The following TBXAS1 variants were observed in gnomAD, a reference collection of about 807,000 sequenced individuals.
The protein encoded by TBXAS1 is thromboxane-A synthase.
TBXAS1 carries 48 observed loss-of-function variants against 60.7 expected under a neutral mutation model. The observed-to-expected ratio is 0.79, with a 90% CI of 0.63 to 1.01. The LOEUF is 1.01. TBXAS1 is among the 50% of genes least tolerant of loss of function. The pLI is 0.00. For missense variants in TBXAS1, 685 were observed against 686.3 expected, an observed-to-expected ratio of 1.00 and a Z score of 0.02; for synonymous variants, 287 against 269.7, an observed-to-expected ratio of 1.06 and a Z score of -0.63.
At chr7:140,016,053 G>C (rs1294953154) in intron 11 of TBXAS1, among the ~76,000 whole-genome samples, 193 bp downstream of exon 11, 1 of 152,122 alleles carries the variant, frequency 6.6e-6, no homozygotes, top group Non-Finnish European at 1.5e-5. Context: ...TTTTAGCCAC[G>C]CGTGGTGGCT....
chr7:139,809,114 A>G (rs1569493021), intron 4 of TBXAS1, among the ~76,000 whole-genome samples: 1 of 152,016 alleles, frequency 6.6e-6, no homozygotes, highest in Non-Finnish European at 1.5e-5. Context: ...AAAGTGTTGT[A>G]TTAGAGTTCT....
chr7:139,857,735 T>TTC (rs1019852068), intron 1 of TBXAS1, among the ~76,000 whole-genome samples: 2 of 151,608 alleles, frequency 1.3e-5, no homozygotes, highest in African/African-American at 4.9e-5. Context: ...CTTAATTTTT[T>TTC]TTTTTTTTTT....
At chr7:139,985,897 G>A (rs1812421029) in intron 9 of TBXAS1, among the ~76,000 whole-genome samples, 1 of 152,182 alleles carries the variant, frequency 6.6e-6, no homozygotes, top group South Asian at 2.1e-4. Flanking sequence ...GTGGACCATC[G>A]GGGGCCTAGA....
intron 9 of TBXAS1, among the ~76,000 whole-genome samples, chr7:139,979,343 A>G (rs922643203): frequency 2.6e-5 from 4 of 152,232 alleles, no homozygotes; most frequent in Non-Finnish European, 5.9e-5. Context: ...AAGAAATACT[A>G]TTAAGTCAAG....
intron 3 of TBXAS1, among the ~76,000 whole-genome samples, chr7:139,785,241 C>T (rs917243771): frequency 6.6e-6 from 1 of 152,114 alleles, no homozygotes; most frequent in African/African-American, 2.4e-5. Context: ...AAGCTCTCTT[C>T]TGTTCCCTTT....
chr7:139,785,979 C>T (rs547472240), intron 3 of TBXAS1, among the ~76,000 whole-genome samples: 1 of 151,224 alleles, frequency 6.6e-6, no homozygotes, highest in Admixed American at 6.6e-5. Context: ...GGTCATTTAT[C>T]CTTTATTCTC....
At position 140,007,209 on chromosome 7, in the gene TBXAS1, G is replaced by A. The variant is rs375930475; in HGVS notation, c.1226+27G>A. 97 of 1,602,968 alleles carry A rather than the reference G, an allele frequency of 6.1e-5. 1 individual carries two copies. The Middle Eastern group carries it at 9.9e-4, about 16-fold the overall frequency. On this transcript the variant is annotated intron_variant, in intron 10 of 12. Coordinates refer to ENST00000448866, the MANE Select transcript of TBXAS1 (RefSeq NM_001061.7). ...TGTGTGGTAGCCCCCTCCCCTGCCC[G>A]AGTCCCCACCTCCTACCCCTACCCC...
chr7:139,963,683 T>A (rs1052192717), intron 9 of TBXAS1, among the ~76,000 whole-genome samples: 3 of 152,134 alleles, frequency 2.0e-5, no homozygotes, highest in Non-Finnish European at 4.4e-5. Context: ...AGGCAATCTA[T>A]TAGGATACAT....
intron 4 of TBXAS1, among the ~76,000 whole-genome samples, chr7:139,926,405 C>T (rs1278964029): frequency 3.3e-5 from 5 of 152,062 alleles, no homozygotes; most frequent in African/African-American, 1.2e-4. Flanking sequence ...TTTATTTCTT[C>T]TAGATTTTCC....
At chr7:139,906,089 T>C in intron 3 of TBXAS1, 1 of 405,058 alleles carries the variant, frequency 2.5e-6, no homozygotes. Flanking sequence ...TTTTTCTCAC[T>C]CTGTCTCCCA....
chr7:139,919,500 C>T (rs1026758359), intron 4 of TBXAS1, among the ~76,000 whole-genome samples: 12 of 152,192 alleles, frequency 7.9e-5, no homozygotes, highest in African/African-American at 2.9e-4. Flanking sequence ...CAAGTCATCC[C>T]AGAGATCATC....
intron 10 of TBXAS1, among the ~76,000 whole-genome samples, chr7:140,011,137 C>T (rs1004309700): frequency 2.6e-5 from 4 of 151,932 alleles, no homozygotes; most frequent in Admixed American, 2.0e-4. Context: ...ATTAGCCGGG[C>T]ATGGTGGCAG....
intron 10 of TBXAS1, among the ~76,000 whole-genome samples, chr7:140,010,882 C>G (rs1426220241): frequency 6.6e-6 from 1 of 151,940 alleles, no homozygotes; most frequent in African/African-American, 2.4e-5. Flanking sequence ...AAGTCCAATC[C>G]TACAGCTTGA....
At chr7:139,966,331 A>ACT (rs1177911698) in intron 9 of TBXAS1, among the ~76,000 whole-genome samples, 1 of 152,044 alleles carries the variant, frequency 6.6e-6, no homozygotes, top group Non-Finnish European at 1.5e-5. Flanking sequence ...ATCAGTTCAG[A>ACT]CTCTTCTGTG....
At position 139,951,886 on chromosome 7, in the gene TBXAS1, G is replaced by A. The variant is rs374077123; in HGVS notation, c.451-1482G>A. Among the ~76,000 whole-genome samples the A allele has an allele frequency of 5.8e-3, 96 of 16,666 alleles. 18 individuals carry two copies. Among genetic ancestry groups the A allele is most frequent in the Middle Eastern group, 0.033 (1 of 30 alleles). 10.9% of individuals were successfully genotyped at this position (16,666 alleles called of 152,430 possible). On this transcript the variant is annotated intron_variant, in intron 5 of 12. Transcript: ENST00000448866. ...AAGAAGGAAGGAAGGAAGGAAAGAA[G>A]GAAGGAAGGAAGGAAAGAAAGAGAA...
At position 140,004,893 on chromosome 7, in the gene TBXAS1, C is replaced by G. The variant is rs1301765177; in HGVS notation, c.1135-2198C>G. Among the ~76,000 whole-genome samples the G allele has an allele frequency of 6.6e-6, 1 of 152,190 alleles. No homozygotes were observed. The highest frequency in any genetic ancestry group is 1.5e-5 in the Non-Finnish European group (1 of 68,028). ...CCCCGCCACATACACTGTGTGCTGC[C>G]AGCCTAGGGCAGGGACGGCCACCAC... On this transcript the variant is annotated intron_variant, in intron 9 of 12. Transcript: ENST00000448866. This position sits in a 1 kb window ranked among gnomAD's most constrained non-coding sequence, Gnocchi z 5.1.
intron 9 of TBXAS1, among the ~76,000 whole-genome samples, chr7:139,995,694 C>T (rs1057464510): frequency 3.3e-5 from 5 of 152,224 alleles, no homozygotes; most frequent in East Asian, 1.9e-4. Context: ...TCCTGCCCCA[C>T]GTGGAGTCAG....
chr7:139,989,632 T>A (rs953433122), intron 9 of TBXAS1, among the ~76,000 whole-genome samples: 2 of 152,150 alleles, frequency 1.3e-5, no homozygotes, highest in Non-Finnish European at 2.9e-5. Context: ...CCTCACAGCA[T>A]CCTCCCCATC....
intron 1 of TBXAS1, among the ~76,000 whole-genome samples, chr7:139,849,281 G>C (rs1444794906): frequency 3.3e-5 from 5 of 151,930 alleles, no homozygotes; most frequent in Non-Finnish European, 5.9e-5. Context: ...CAAGAGGCTG[G>C]GGTGAGAGGA....
Sources: allele counts gnomAD v4.1 joint callset (sites outside exome capture counted in the v4.1 genomes callset), GRCh38; gene constraint gnomAD v4.1.1; non-coding constraint Gnocchi (gnomAD v3.1); transcripts MANE v1.5; gene names NCBI Gene and HGNC (gene_info 2026-07-23, HGNC 2026-07-21).